Variants in WDR70 observed in about 807,000 individuals in gnomAD.
WDR70 encodes the protein WD repeat-containing protein 70.
A neutral mutation model predicts 88.6 loss-of-function variants in WDR70; 53 were observed. The observed-to-expected ratio is 0.60, with a 90% CI of 0.48 to 0.75. The LOEUF (loss-of-function observed/expected upper bound fraction) is 0.75. WDR70 is among the 30% of genes least tolerant of loss of function. The pLI, the probability that WDR70 is intolerant of heterozygous loss-of-function variation, is 0.00. For synonymous variants in WDR70, 280 were observed against 270.0 expected, an observed-to-expected ratio of 1.04 and a Z score of -0.36; for missense variants, 610 against 823.2, an observed-to-expected ratio of 0.74 and a Z score of 3.17.
At chr5:37,615,881 G>A (rs767569112) in intron 10 of WDR70, among the ~76,000 whole-genome samples, 10 of 152,068 alleles carry the variant, frequency 6.6e-5, no homozygotes, top group African/African-American at 9.7e-5. Context: ...TGCGTCTCTC[G>A]CTTTCATTCT....
At chr5:37,737,529 C>T (rs1008304735) in intron 17 of WDR70, among the ~76,000 whole-genome samples, 7 of 152,214 alleles carry the variant, frequency 4.6e-5, no homozygotes, top group African/African-American at 1.7e-4. Flanking sequence ...AGCTCCGCCA[C>T]CCCCTGGCGA....
In WDR70 at chr5:37,620,283, C is replaced by T. The variant is rs571004709; in HGVS notation, c.1092+15045C>T. Among the ~76,000 whole-genome samples, 8 of 126,672 alleles carry T rather than the reference C, an allele frequency of 6.3e-5. No individual in the cohort carries two copies. The East Asian group carries it at 6.6e-4, about 10-fold the overall frequency. The allele number at this position is 126,672 out of a possible 152,430, so 83.1% of individuals were successfully genotyped here. The stretch of plus-strand genomic sequence containing the variant: ...AATCTGTTTTTTGTTTGTTTTTTGC[C>T]GCTTTGTTGTTCTTTGCCATCAAGG... On this transcript the variant is annotated intron_variant, in intron 10 of 17. Coordinates refer to ENST00000265107, the MANE Select transcript of WDR70 (RefSeq NM_018034.4).
intron 10 of WDR70, among the ~76,000 whole-genome samples, chr5:37,617,338 T>C (rs1022188242): frequency 2.0e-5 from 3 of 152,190 alleles, no homozygotes; most frequent in Non-Finnish European, 2.9e-5. Flanking sequence ...AACAAGATTG[T>C]GGTGATGGTT....
chr5:37,451,431 G>A (rs1738673947), intron 7 of WDR70, among the ~76,000 whole-genome samples: 1 of 152,098 alleles, frequency 6.6e-6, no homozygotes, highest in Admixed American at 6.6e-5. Flanking sequence ...TGGGGTTACT[G>A]AATACTTGAA....
intron 10 of WDR70, among the ~76,000 whole-genome samples, chr5:37,623,296 A>G (rs1415533427): frequency 6.6e-6 from 1 of 152,116 alleles, no homozygotes; most frequent in African/African-American, 2.4e-5. Flanking sequence ...AGAGTCCTTT[A>G]TAACTGAATT....
chr5:37,648,315 G>C (rs532838518), intron 10 of WDR70, among the ~76,000 whole-genome samples: 2 of 152,082 alleles, frequency 1.3e-5, no homozygotes, highest in South Asian at 4.1e-4. Flanking sequence ...TCTATCTCCA[G>C]GTCTAAGCTC....
chr5:37,487,527 ATAT>A (rs1339811059), intron 8 of WDR70, among the ~76,000 whole-genome samples: 1 of 148,868 alleles, frequency 6.7e-6, no homozygotes, highest in Non-Finnish European at 1.5e-5. Context: ...CCTCCTAATT[ATAT>A]TAAGTTGTTA....
At chr5:37,487,593 A>G (rs866190975) in intron 8 of WDR70, among the ~76,000 whole-genome samples, 1,322 of 35,002 alleles carry the variant, frequency 0.038, 17 homozygotes, top group African/African-American at 0.071. Context: ...ATGGGTATGT[A>G]TATATAAATA....
rs190306134 is a variant in WDR70, at chr5:37,443,194, A to G, written c.553-45A>G. 2.5e-5 allele frequency: 38 copies of G among 1,548,782 alleles called. 1 individual carries two copies. In the East Asian group the frequency reaches 5.6e-4, roughly 23 times the overall value. ...GAAATGGGAGGTTATAATTGACCAT[A>G]TGTCATTTTGCTCCGGTCATTTTAT... On this transcript the variant is annotated intron_variant, in intron 6 of 17. Coordinates refer to ENST00000265107, the MANE Select transcript of WDR70 (RefSeq NM_018034.4).
rs550441155 is a variant in WDR70 at position 37,482,732 on chromosome 5, G to A, written c.840+2745G>A. On this transcript the variant is annotated intron_variant, in intron 8 of 17. Transcript: ENST00000265107. ...GCTTCAGATCTTAGACAGGATCAGA[G>A]GGCCAGCTCAAATTTGCAAGGAGGG... Among the ~76,000 whole-genome samples the A allele has an allele frequency of 1.6e-3, 246 of 152,266 alleles. 1 individual carries two copies. The highest frequency in any genetic ancestry group is 5.6e-3 in the African/African-American group (233 of 41,546).
chr5:37,409,483 C>T (rs1009507351), intron 5 of WDR70, among the ~76,000 whole-genome samples: 2 of 150,736 alleles, frequency 1.3e-5, no homozygotes, highest in African/African-American at 4.9e-5. Context: ...CTCCCACTAA[C>T]AAATGTGAGA....
chr5:37,712,307 T>A (rs1747537663), intron 13 of WDR70, among the ~76,000 whole-genome samples: 1 of 152,204 alleles, frequency 6.6e-6, no homozygotes, highest in Non-Finnish European at 1.5e-5. Context: ...TCTTTTAGGA[T>A]TGATAAAAGA....
At chr5:37,590,374 A>G (rs1473696809) in intron 9 of WDR70, among the ~76,000 whole-genome samples, 1 of 152,140 alleles carries the variant, frequency 6.6e-6, no homozygotes, top group Non-Finnish European at 1.5e-5. Context: ...ATCATGTAGT[A>G]TGTCATCTCT....
rs375135444 is a variant in WDR70, at chr5:37,431,953, C to T, written c.493-5969C>T. Among the ~76,000 whole-genome samples the T allele has an allele frequency of 4.6e-5, 7 of 152,170 alleles. 1 individual carries two copies. The highest frequency in any genetic ancestry group is 3.9e-4 in the Admixed American group (6 of 15,266). ...TGTCACGTTTTGTTGATTAATTCAT[C>T]CATCAGTGGATACTTGGGTTGCTTT... On this transcript the variant is annotated intron_variant, in intron 5 of 17. Coordinates refer to ENST00000265107, the MANE Select transcript of WDR70 (RefSeq NM_018034.4).
chr5:37,555,707 G>GT (rs940420948), intron 9 of WDR70, among the ~76,000 whole-genome samples: 1 of 120,894 alleles, frequency 8.3e-6, no homozygotes, highest in African/African-American at 2.5e-5. Flanking sequence ...ATAATGTTCA[G>GT]TTTTTTTTGT....
At chr5:37,694,576 C>T (rs563290127) in intron 10 of WDR70, among the ~76,000 whole-genome samples, 171 of 152,228 alleles carry the variant, frequency 1.1e-3, no homozygotes, top group African/African-American at 4.1e-3. Flanking sequence ...AACCATCATT[C>T]TCAGCAAACT....
intron 9 of WDR70, among the ~76,000 whole-genome samples, chr5:37,557,939 A>AAAACTCTTCAAAAGAGTACTCTTTTGC (rs1742346710): frequency 6.6e-6 from 1 of 151,640 alleles, no homozygotes; most frequent in African/African-American, 2.4e-5. Flanking sequence ...TACTCTTTTG[A>AAAACTCTTCAAAAGAGTACTCTTTTGC]ATACTCTTCA....
At chr5:37,600,909 T>C (rs1743862629) in intron 9 of WDR70, among the ~76,000 whole-genome samples, 1 of 152,224 alleles carries the variant, frequency 6.6e-6, no homozygotes, top group South Asian at 2.1e-4. Context: ...CTCTAACACT[T>C]TTTTTGTTTT....
intron 10 of WDR70, among the ~76,000 whole-genome samples, chr5:37,661,653 T>C (rs1459993466): frequency 3.9e-5 from 6 of 152,184 alleles, no homozygotes; most frequent in Non-Finnish European, 4.4e-5. Context: ...AGGTTGGAGA[T>C]AGAATCATAG....
Sources: allele counts gnomAD v4.1 joint callset (sites outside exome capture counted in the v4.1 genomes callset), GRCh38; gene constraint gnomAD v4.1.1; transcripts MANE v1.5; gene names NCBI Gene and HGNC (gene_info 2026-07-23, HGNC 2026-07-21).